TSC22D1: variants seen among roughly 807,000 people sequenced by gnomAD.
TSC22D1 encodes the protein TSC22 domain family member 1, also known as TSC22 domain family protein 1.
Under a neutral mutation model 74.2 loss-of-function variants are expected in TSC22D1, and 9 were observed. The observed-to-expected ratio is 0.12, with a 90% confidence interval of 0.07 to 0.21. The LOEUF is 0.21. Among genes scored for constraint, TSC22D1 ranks in the 10% least tolerant of loss-of-function variants. The pLI, the probability that TSC22D1 is intolerant of heterozygous loss-of-function variation, is 1.00. For missense variants in TSC22D1, 1,427 were observed against 1,304.7 expected (o/e 1.09, Z -1.44); for synonymous variants, 586 against 492.5 (o/e 1.19, Z -2.51).
rs149402927 is a variant in TSC22D1, at chr13:44,501,548, C to T, written c.2913-65453G>A. On this transcript the variant is annotated intron_variant, in intron 1 of 2. Transcript: ENST00000458659. ...AATCCTTCCTAAGGGCACACTTGGT[C>T]CCAGAGGCTAGGCCGGGTGGAGGGG... Among the ~76,000 whole-genome samples the T allele has an allele frequency of 1.1e-4, 16 of 151,864 alleles. 1 individual carries two copies. In the East Asian group the frequency reaches 2.7e-3, roughly 26 times the overall value.
At chr13:44,486,324 A>G (rs540916641) in intron 1 of TSC22D1, among the ~76,000 whole-genome samples, 2 of 152,300 alleles carry the variant, frequency 1.3e-5, no homozygotes, top group South Asian at 4.1e-4. Flanking sequence ...CACTGGCAAT[A>G]TTAACCAAAG....
At chr13:44,538,983 A>G (rs573767428) in intron 1 of TSC22D1, 1 of 985,418 alleles carries the variant, frequency 1.0e-6, no homozygotes, top group African/African-American at 1.7e-5. Flanking sequence ...AACTTGCCAA[A>G]GGTAACAAGT....
chr13:44,497,054 C>A (rs1379467015), intron 1 of TSC22D1, among the ~76,000 whole-genome samples: 5 of 152,098 alleles, frequency 3.3e-5, no homozygotes, highest in Admixed American at 2.6e-4. Flanking sequence ...CTCTTCCACT[C>A]TTAGATATTA....
chr13:44,530,798 T>C (rs967258108), intron 1 of TSC22D1, among the ~76,000 whole-genome samples: 13 of 152,280 alleles, frequency 8.5e-5, no homozygotes, highest in African/African-American at 2.9e-4. Context: ...AACAATGAGA[T>C]ACCACTACAC....
At chr13:44,455,416 C>CTT (rs774909655) in intron 1 of TSC22D1, among the ~76,000 whole-genome samples, 2 of 152,158 alleles carry the variant, frequency 1.3e-5, no homozygotes, top group African/African-American at 4.8e-5. Context: ...CTGAAAGACT[C>CTT]TTTTTTAAAG....
chr13:44,469,277 T>C (rs560433128), intron 1 of TSC22D1, among the ~76,000 whole-genome samples: 26 of 152,142 alleles, frequency 1.7e-4, no homozygotes, highest in Non-Finnish European at 2.8e-4. Context: ...TACAGTACAG[T>C]TTTTAATCCA....
rs1479250176 is a variant in TSC22D1 at position 44,534,387 on chromosome 13, A to G, written c.2912+38776T>C. Among the ~76,000 whole-genome samples, 16 of 151,728 alleles carry G rather than the reference A, an allele frequency of 1.1e-4. No homozygotes were observed. The East Asian group carries it at 3.1e-3, about 29-fold the overall frequency. On this transcript the variant is annotated intron_variant, in intron 1 of 2. Transcript: ENST00000458659. The stretch of plus-strand genomic sequence containing the variant: ...AAAAAAAAAAAAAAAAAAAAGCCAA[A>G]AATGTCCACTAGCAGTTCTTTTTAA...
In TSC22D1 at chr13:44,513,451, A is replaced by G. The variant is rs1459182592; in HGVS notation, c.2912+59712T>C. Reference sequence around the variant, plus strand: ...TGATAGGTTTTTGTCATGTATTTTCAAAAGTCACAATACACAAAACACATA... The same window carrying G: ...TGATAGGTTTTTGTCATGTATTTTCGAAAGTCACAATACACAAAACACATA... On this transcript the variant is annotated intron_variant, in intron 1 of 2. Transcript: ENST00000458659. Among the ~76,000 whole-genome samples the G allele has an allele frequency of 2.6e-5, 4 of 152,232 alleles. No individual in the cohort carries two copies. The East Asian group carries it at 7.7e-4, about 29-fold the overall frequency.
At chr13:44,499,931 A>G (rs1321622176) in intron 1 of TSC22D1, among the ~76,000 whole-genome samples, 2 of 151,882 alleles carry the variant, frequency 1.3e-5, no homozygotes, top group African/African-American at 4.8e-5. Flanking sequence ...TACTAAAAAT[A>G]CAAAAATTAG....
Position 44,434,036 on chromosome 13 carries a change from C to G in TSC22D1, c.*590G>C. ...TAGCCTAGGTCCCAGCTACCTGTCA[C>G]CATTTTGTCACTCTCATAGTTTTGT... On this transcript the variant is annotated 3_prime_UTR_variant, in exon 3 of 3. Coordinates refer to ENST00000458659, the MANE Select transcript of TSC22D1 (RefSeq NM_183422.4). 1 of 1,533,768 alleles carries G rather than the reference C, an allele frequency of 6.5e-7. No individual in the cohort carries two copies. Among genetic ancestry groups the G allele is most frequent in the East Asian group, 2.4e-5 (1 of 40,882 alleles).
intron 1 of TSC22D1, among the ~76,000 whole-genome samples, chr13:44,547,431 GT>G (rs1881897865): frequency 6.6e-6 from 1 of 152,066 alleles, no homozygotes; most frequent in Non-Finnish European, 1.5e-5. Flanking sequence ...GAAAAACAAT[GT>G]TTACATTAAA....
chr13:44,529,060 G>C (rs534047909), intron 1 of TSC22D1, among the ~76,000 whole-genome samples: 1 of 152,008 alleles, frequency 6.6e-6, no homozygotes, highest in Non-Finnish European at 1.5e-5. Flanking sequence ...TTAGAAAGCA[G>C]AAACAGTAAA....
rs1019446860 is a variant in TSC22D1 at position 44,456,534 on chromosome 13, A to G, written c.2913-20439T>C. 2.0e-5 allele frequency among the ~76,000 whole-genome samples: 3 copies of G among 152,322 alleles called. No individual in the cohort carries two copies. In the East Asian group the frequency reaches 5.8e-4, roughly 29 times the overall value. On this transcript the variant is annotated intron_variant, in intron 1 of 2. Transcript: ENST00000458659. ...GTTTCCAATCCTTTACCTAGACAGA[A>G]AAGTTCTCCAAGTCCCCACCCGACC... is the stretch of plus-strand genomic sequence containing the variant.
chr13:44,569,585 C>G (rs1883613416), intron 1 of TSC22D1, among the ~76,000 whole-genome samples: 1 of 152,142 alleles, frequency 6.6e-6, no homozygotes, highest in Admixed American at 6.5e-5. Flanking sequence ...TCCTGAGAAG[C>G]AGGCAAAATG....
chr13:44,528,144 A>T (rs143016222), intron 1 of TSC22D1, among the ~76,000 whole-genome samples: 1 of 152,218 alleles, frequency 6.6e-6, no homozygotes, highest in Non-Finnish European at 1.5e-5. Flanking sequence ...TCCAGAAGGC[A>T]GAAAATCGGT....
rs779840680 is a variant in TSC22D1 at position 44,515,170 on chromosome 13, C to T, written c.2912+57993G>A. Among the ~76,000 whole-genome samples the T allele has an allele frequency of 5.3e-4, 81 of 152,010 alleles. 2 individuals carry two copies. The highest frequency in any genetic ancestry group is 1.2e-4 in the Non-Finnish European group (8 of 67,998). Reference sequence around the variant, plus strand: ...ATATATATATGCAGATAGACAGGAACGACACCTGTACAAAGTTACTCACTA... The same window carrying T: ...ATATATATATGCAGATAGACAGGAATGACACCTGTACAAAGTTACTCACTA... On this transcript the variant is annotated intron_variant, in intron 1 of 2. Coordinates refer to ENST00000458659, the MANE Select transcript of TSC22D1 (RefSeq NM_183422.4).
intron 1 of TSC22D1, among the ~76,000 whole-genome samples, chr13:44,565,967 A>G (rs1883345977): frequency 6.6e-6 from 1 of 152,222 alleles, no homozygotes; most frequent in South Asian, 2.1e-4. Flanking sequence ...ATAAGTTTCA[A>G]AAGAAAAAAT....
chr13:44,528,616 A>T (rs768782854), intron 1 of TSC22D1, among the ~76,000 whole-genome samples: 1 of 152,140 alleles, frequency 6.6e-6, no homozygotes, highest in East Asian at 1.9e-4. Flanking sequence ...AAACTGAAAC[A>T]GAAGAGCAAT....
At chr13:44,548,157 T>C (rs1432120498) in intron 1 of TSC22D1, among the ~76,000 whole-genome samples, 1 of 152,242 alleles carries the variant, frequency 6.6e-6, no homozygotes, top group African/African-American at 2.4e-5. Context: ...CTCTGAGGTT[T>C]AATTTACATT....
Sources: gnomAD v4.1 joint callset for allele counts (sites outside exome capture counted in the v4.1 genomes callset) on GRCh38, gnomAD v4.1.1 for gene constraint, MANE v1.5 for transcripts, NCBI Gene and HGNC (gene_info 2026-07-23, HGNC 2026-07-21) for gene names.